The following TAFA2 variants were observed in gnomAD, a reference collection of about 807,000 sequenced individuals.
TAFA2 encodes the protein TAFA chemokine like family member 2.
In TAFA2, 7 loss-of-function variants were observed where a neutral mutation model predicts 18.8. The ratio of observed to expected loss-of-function variants is 0.37; its 90% CI spans 0.21 to 0.70. TAFA2 has a LOEUF of 0.70. Ranked by LOEUF, TAFA2 falls within the 30% of genes least tolerant of loss-of-function variation. The pLI is 0.53. For missense variants in TAFA2, 122 were observed against 158.1 expected (o/e 0.77, Z 1.23); for synonymous variants, 60 against 54.2 (o/e 1.11, Z -0.47).
intron 2 of TAFA2, among the ~76,000 whole-genome samples, chr12:61,781,532 T>C (rs183998953): frequency 6.6e-6 from 1 of 151,888 alleles, no homozygotes; most frequent in Admixed American, 6.6e-5. Context: ...TTTTCCTTTT[T>C]ATAATATGCA....
chr12:61,922,277 CG>C (rs1877085155), intron 1 of TAFA2, among the ~76,000 whole-genome samples: 1 of 152,096 alleles, frequency 6.6e-6, no homozygotes, highest in Non-Finnish European at 1.5e-5. Flanking sequence ...GTTATCTCCT[CG>C]GGGTGAAAGG....
At chr12:62,074,101 T>C (rs1466917519) in intron 1 of TAFA2, among the ~76,000 whole-genome samples, 3 of 152,246 alleles carry the variant, frequency 2.0e-5, no homozygotes, top group Non-Finnish European at 2.9e-5. Flanking sequence ...AATTAACTTA[T>C]GCAGCACAGT....
At chr12:61,782,353 C>A (rs1870541446) in intron 2 of TAFA2, among the ~76,000 whole-genome samples, 1 of 151,724 alleles carries the variant, frequency 6.6e-6, no homozygotes, top group Admixed American at 6.6e-5. Flanking sequence ...AAATCTTGGT[C>A]CCCACAACCC....
intron 1 of TAFA2, among the ~76,000 whole-genome samples, chr12:61,891,082 G>T (rs563297039): frequency 2.2e-4 from 34 of 152,154 alleles, no homozygotes; most frequent in Non-Finnish European, 4.3e-4. Flanking sequence ...ATTAACAGAA[G>T]TAACATAGTC....
intron 4 of TAFA2, among the ~76,000 whole-genome samples, chr12:61,732,375 A>G (rs1231238289): frequency 6.6e-6 from 1 of 152,162 alleles, no homozygotes; most frequent in African/African-American, 2.4e-5. Flanking sequence ...GAATTATTCA[A>G]TGAATCTTAC....
At chr12:61,830,131 G>T (rs1352855575) in intron 2 of TAFA2, among the ~76,000 whole-genome samples, 2 of 151,280 alleles carry the variant, frequency 1.3e-5, no homozygotes, top group African/African-American at 2.4e-5. Flanking sequence ...TTGACTGGAT[G>T]ATTGGATAAA....
At chr12:62,059,807 T>C (rs1013431771) in intron 1 of TAFA2, among the ~76,000 whole-genome samples, 2 of 152,206 alleles carry the variant, frequency 1.3e-5, no homozygotes, top group African/African-American at 4.8e-5. Flanking sequence ...TTATTTTTCA[T>C]TTAGATGTTC....
At chr12:61,888,731 A>G (rs1264158376) in intron 1 of TAFA2, among the ~76,000 whole-genome samples, 1 of 152,224 alleles carries the variant, frequency 6.6e-6, no homozygotes, top group Non-Finnish European at 1.5e-5. Context: ...AAAGGTGTGA[A>G]CACAAAGGAG....
intron 2 of TAFA2, among the ~76,000 whole-genome samples, chr12:61,778,195 T>C: frequency 6.6e-6 from 1 of 151,818 alleles, no homozygotes; most frequent in East Asian, 1.9e-4. Flanking sequence ...TTGGAGATTG[T>C]TGCAAGGGCT....
intron 4 of TAFA2, among the ~76,000 whole-genome samples, chr12:61,718,761 G>A (rs1264824803): frequency 6.6e-6 from 1 of 152,062 alleles, no homozygotes; most frequent in Admixed American, 6.6e-5. Context: ...GCTTTCATTT[G>A]TAGAAGAGTA....
intron 1 of TAFA2, among the ~76,000 whole-genome samples, chr12:61,869,216 G>A (rs1349799330): frequency 6.6e-6 from 1 of 152,146 alleles, no homozygotes; most frequent in Non-Finnish European, 1.5e-5. Context: ...AGATCAGACT[G>A]TTGGGGTTTA....
chr12:61,926,252 T>C (rs916415267), intron 1 of TAFA2, among the ~76,000 whole-genome samples: 7 of 152,238 alleles, frequency 4.6e-5, no homozygotes, highest in Admixed American at 4.6e-4. Flanking sequence ...CACAGCCAAA[T>C]TCTACCAGAG....
intron 1 of TAFA2, among the ~76,000 whole-genome samples, chr12:62,110,294 A>G (rs1869665004): frequency 6.6e-6 from 1 of 152,110 alleles, no homozygotes; most frequent in Admixed American, 6.6e-5. Flanking sequence ...TGATTTGTGT[A>G]TGTTGAACCA....
chr12:62,164,137 C>T (rs2062423756), intron 1 of TAFA2, among the ~76,000 whole-genome samples: 2 of 152,064 alleles, frequency 1.3e-5, no homozygotes, highest in Non-Finnish European at 2.9e-5. Context: ...AACATCTGTG[C>T]TTATGCCATG....
upstream of TAFA2, among the ~76,000 whole-genome samples, chr12:62,195,748 T>C (rs996796207): frequency 6.6e-6 from 1 of 152,218 alleles, no homozygotes; most frequent in Non-Finnish European, 1.5e-5. Context: ...TTTCCATTTA[T>C]AAAACACAAG....
intron 1 of TAFA2, among the ~76,000 whole-genome samples, chr12:61,962,092 T>C (rs1480348129): frequency 6.6e-6 from 1 of 152,012 alleles, no homozygotes; most frequent in East Asian, 1.9e-4. Flanking sequence ...GCCAACAAAA[T>C]GCCATATTTA....
intron 1 of TAFA2, among the ~76,000 whole-genome samples, chr12:62,226,398 T>C (rs2062786770): frequency 1.3e-5 from 2 of 152,022 alleles, no homozygotes; most frequent in African/African-American, 2.4e-5. Context: ...GGAGTTTCAC[T>C]GTGTTAGCCA....
At chr12:62,144,343 G>A (rs1489951872) in intron 1 of TAFA2, among the ~76,000 whole-genome samples, 1 of 152,098 alleles carries the variant, frequency 6.6e-6, no homozygotes, top group Non-Finnish European at 1.5e-5. Context: ...CCACTATAGA[G>A]GCATGCAGTC....
At chr12:62,258,781 T>C (rs1383208513) in exon 1 of TAFA2, 3 of 367,634 alleles carry the variant, frequency 8.2e-6, no homozygotes, top group Non-Finnish European at 1.7e-5. Context: ...AGCTCCAATA[T>C]ATGTTTTCCA....
Sources: allele counts gnomAD v4.1 joint callset (sites outside exome capture counted in the v4.1 genomes callset), GRCh38; gene constraint gnomAD v4.1.1; transcripts MANE v1.5; gene names NCBI Gene and HGNC (gene_info 2026-07-23, HGNC 2026-07-21).